Variants in XXYLT1 observed in about 807,000 individuals in gnomAD.
The protein encoded by XXYLT1 is xyloside xylosyltransferase 1, also known as UDP-xylose:alpha-xyloside alpha-1,3-xylosyltransferase.
XXYLT1 carries 20 observed loss-of-function variants against 28.9 expected under a neutral mutation model. The observed-to-expected ratio is 0.69, with a 90% confidence interval of 0.49 to 1.00. XXYLT1 has a LOEUF of 1.00. Among genes scored for constraint, XXYLT1 ranks in the 50% least tolerant of loss-of-function variants. The pLI is 0.00. For synonymous variants in XXYLT1, 257 were observed against 253.8 expected, an observed-to-expected ratio of 1.01 and a Z score of -0.12; for missense variants, 542 against 560.1, an observed-to-expected ratio of 0.97 and a Z score of 0.33.
At chr3:195,113,882 G>A (rs1370066279) in intron 3 of XXYLT1, among the ~76,000 whole-genome samples, 1 of 152,160 alleles carries the variant, frequency 6.6e-6, no homozygotes, top group Non-Finnish European at 1.5e-5. Context: ...TGAAGAAGGG[G>A]TGTCTGAGTT....
In XXYLT1 at chr3:195,238,119, G is replaced by A. The variant is rs377219472; in HGVS notation, c.505-11263C>T. 1.2e-3 allele frequency among the ~76,000 whole-genome samples: 185 copies of A among 152,238 alleles called. 1 individual carries two copies. The highest frequency in any genetic ancestry group is 4.0e-3 in the African/African-American group (167 of 41,544). On this transcript the variant is annotated intron_variant, in intron 1 of 3. Coordinates refer to ENST00000310380, the MANE Select transcript of XXYLT1 (RefSeq NM_152531.5). ...AATCCTCTAGCAAGGCCTCTAAGCCGCTGCAATAGTGGTTCTGGCCCCGTC... is the reference window on the plus strand; with the variant it reads ...AATCCTCTAGCAAGGCCTCTAAGCCACTGCAATAGTGGTTCTGGCCCCGTC...
chr3:195,143,809 T>TAG (rs1282815630), intron 3 of XXYLT1, among the ~76,000 whole-genome samples: 4 of 101,102 alleles, frequency 4.0e-5, no homozygotes, highest in African/African-American at 7.2e-5. Context: ...TAGATAGATA[T>TAG]ATATAGATAT....
At chr3:195,123,039 T>C (rs551421253) in intron 3 of XXYLT1, among the ~76,000 whole-genome samples, 1 of 152,332 alleles carries the variant, frequency 6.6e-6, no homozygotes, top group Admixed American at 6.5e-5. Flanking sequence ...ATGAAGGAGC[T>C]GGAGGAGATG....
At chr3:195,204,798 G>A (rs1486638232) in intron 2 of XXYLT1, among the ~76,000 whole-genome samples, 1 of 152,184 alleles carries the variant, frequency 6.6e-6, no homozygotes, top group Non-Finnish European at 1.5e-5. Flanking sequence ...GAAACGCAGG[G>A]GCAGACAGTG....
At chr3:195,085,545 C>T (rs553441590) in intron 3 of XXYLT1, among the ~76,000 whole-genome samples, 5 of 152,336 alleles carry the variant, frequency 3.3e-5, no homozygotes, top group African/African-American at 9.6e-5. Flanking sequence ...CACAGCAGTG[C>T]GGTCAGAGAG....
At chr3:195,146,499 T>C (rs968084453) in intron 3 of XXYLT1, among the ~76,000 whole-genome samples, 1 of 152,244 alleles carries the variant, frequency 6.6e-6, no homozygotes, top group African/African-American at 2.4e-5. Flanking sequence ...GGACAGGGTC[T>C]GGTTTCTCTC....
intron 1 of XXYLT1, among the ~76,000 whole-genome samples, chr3:195,228,625 A>G (rs1724163301): frequency 6.7e-6 from 1 of 149,522 alleles, no homozygotes; most frequent in Non-Finnish European, 1.5e-5. Flanking sequence ...AGTATCTGGG[A>G]CTACAGACGC....
At chr3:195,075,975 C>G (rs1359658301) in intron 3 of XXYLT1, among the ~76,000 whole-genome samples, 2 of 152,138 alleles carry the variant, frequency 1.3e-5, no homozygotes, top group Non-Finnish European at 2.9e-5. Context: ...CACAGAGACC[C>G]TGTGGGGAGG....
At chr3:195,082,798 C>T (rs994044477) in intron 3 of XXYLT1, among the ~76,000 whole-genome samples, 4 of 151,832 alleles carry the variant, frequency 2.6e-5, no homozygotes, top group Non-Finnish European at 5.9e-5. Context: ...TGCAGTGAGC[C>T]GAGATCACTG....
At chr3:195,270,414 T>C (rs1318185352) in intron 1 of XXYLT1, 141 bp downstream of exon 1, 7 of 1,337,026 alleles carry the variant, frequency 5.2e-6, no homozygotes, top group Non-Finnish European at 6.7e-6. Flanking sequence ...CTCCCGCAGG[T>C]TGTGAACACT....
chr3:195,242,667 A>C (rs1724829796), intron 1 of XXYLT1, among the ~76,000 whole-genome samples: 1 of 152,170 alleles, frequency 6.6e-6, no homozygotes, highest in African/African-American at 2.4e-5. Context: ...TCTGATCTGC[A>C]TAGGGCCCAG....
chr3:195,090,500 C>A (rs1410442769), intron 3 of XXYLT1, among the ~76,000 whole-genome samples: 2 of 150,234 alleles, frequency 1.3e-5, no homozygotes, highest in African/African-American at 5.0e-5. Context: ...ACACAACATA[C>A]CAGAATCTCT....
At chr3:195,248,966 T>C (rs1365053302) in intron 1 of XXYLT1, among the ~76,000 whole-genome samples, 2 of 152,164 alleles carry the variant, frequency 1.3e-5, no homozygotes, top group Admixed American at 6.5e-5. Context: ...GTCTCGGGTA[T>C]GTCTTTATCA....
intron 3 of XXYLT1, among the ~76,000 whole-genome samples, chr3:195,098,776 G>A (rs1560093193): frequency 6.6e-6 from 1 of 152,160 alleles, no homozygotes; most frequent in Non-Finnish European, 1.5e-5. Flanking sequence ...GCCTCTTGAT[G>A]GCAATCAGAG....
intron 2 of XXYLT1, among the ~76,000 whole-genome samples, chr3:195,222,598 G>A (rs1723876843): frequency 6.6e-6 from 1 of 152,142 alleles, no homozygotes; most frequent in Non-Finnish European, 1.5e-5. Flanking sequence ...GATATCCATC[G>A]TATAATTTAC....
intron 2 of XXYLT1, among the ~76,000 whole-genome samples, chr3:195,175,019 T>C (rs1053262321): frequency 6.6e-6 from 1 of 152,104 alleles, no homozygotes; most frequent in African/African-American, 2.4e-5. Context: ...CAACAACAAC[T>C]ATTATTTTTT....
Position 195,240,474 on chromosome 3 carries a change from T to G in XXYLT1, c.505-13618A>C, listed in dbSNP as rs1724727966. 6.6e-6 allele frequency among the ~76,000 whole-genome samples: 1 copy of G among 152,216 alleles called. No individual in the cohort carries two copies. Among genetic ancestry groups the G allele is most frequent in the South Asian group, 2.1e-4 (1 of 4,826 alleles). ...CTCCATTTGGTGGAGAAAACTAATT[T>G]TATCACTTGGCCGGCCCCACTGGGA... On this transcript the variant is annotated intron_variant, in intron 1 of 3. Coordinates refer to ENST00000310380, the MANE Select transcript of XXYLT1 (RefSeq NM_152531.5). The surrounding 1 kb of genome is among the most constrained non-coding windows in gnomAD (Gnocchi z 4.7).
In XXYLT1 at chr3:195,150,348, T is replaced by G. The variant is rs1028033875; in HGVS notation, c.785+6101A>C. Among the ~76,000 whole-genome samples, 1 of 152,038 alleles carries G rather than the reference T, an allele frequency of 6.6e-6. No homozygotes were observed. The highest frequency in any genetic ancestry group is 1.5e-5 in the Non-Finnish European group (1 of 68,000). On this transcript the variant is annotated intron_variant, in intron 3 of 3. Transcript: ENST00000310380. The surrounding 1 kb of genome is among the most constrained non-coding windows in gnomAD (Gnocchi z 4.7). ...GTAGTCAGTCCACACCCTCCCTTCT[T>G]CCCTCTGTGCTGGCGCTCACTCCCT...
At chr3:195,109,414 GGTGT>G (rs56018737) in intron 3 of XXYLT1, among the ~76,000 whole-genome samples, 2 of 150,832 alleles carry the variant, frequency 1.3e-5, no homozygotes, top group African/African-American at 4.9e-5. Context: ...GCATGTGTAT[GGTGT>G]GTGTGTTGGT....
Sources: allele counts gnomAD v4.1 joint callset (sites outside exome capture counted in the v4.1 genomes callset), GRCh38; gene constraint gnomAD v4.1.1; non-coding constraint Gnocchi (gnomAD v3.1); transcripts MANE v1.5; gene names NCBI Gene and HGNC (gene_info 2026-07-23, HGNC 2026-07-21).